TRDN: variants seen among roughly 807,000 people sequenced by gnomAD.
The protein encoded by TRDN is triadin, also known as triadin in skeletal muscle.
TRDN carries 161 observed loss-of-function variants against 149.7 expected under a neutral mutation model. The observed-to-expected ratio is 1.08, with a 90% CI of 0.95 to 1.23. The LOEUF (loss-of-function observed/expected upper bound fraction) is 1.23, where lower values mean the gene tolerates loss of function less well. TRDN is among the 50% of genes most tolerant of loss of function. TRDN has a pLI of 0.00. For missense variants in TRDN, 896 were observed against 823.5 expected (o/e 1.09, Z -1.08); for synonymous variants, 294 against 250.5 (o/e 1.17, Z -1.64).
chr6:123,439,763 C>T (rs1774771170), intron 10 of TRDN: 1 of 152,196 alleles, frequency 6.6e-6, no homozygotes, highest in Non-Finnish European at 1.5e-5. Flanking sequence ...GTGGACATCC[C>T]TGGACACTTT....
chr6:123,275,743 A>G (rs1777347376), intron 26 of TRDN, among the ~76,000 whole-genome samples: 3 of 152,158 alleles, frequency 2.0e-5, no homozygotes, highest in African/African-American at 7.2e-5. Context: ...TGGCAGAAAT[A>G]TTGACATTAA....
chr6:123,295,577 G>A (rs1420019181), intron 24 of TRDN, among the ~76,000 whole-genome samples: 1 of 152,054 alleles, frequency 6.6e-6, no homozygotes, highest in African/African-American at 2.4e-5. Flanking sequence ...TGAAAAATTG[G>A]TGAGGTGATA....
intron 12 of TRDN, among the ~76,000 whole-genome samples, chr6:123,410,234 AC>A (rs1773377785): frequency 1.3e-5 from 2 of 152,330 alleles, no homozygotes; most frequent in East Asian, 1.9e-4. Flanking sequence ...GATGACCTGA[AC>A]TAAGACAAAG....
chr6:123,339,820 C>A (rs1214735319), intron 21 of TRDN, among the ~76,000 whole-genome samples: 1 of 152,138 alleles, frequency 6.6e-6, no homozygotes, highest in African/African-American at 2.4e-5. Context: ...AATCCAATCT[C>A]ATATAATTTG....
chr6:123,451,306 T>C (rs1258485372), intron 10 of TRDN, among the ~76,000 whole-genome samples: 1 of 151,106 alleles, frequency 6.6e-6, no homozygotes, highest in African/African-American at 2.4e-5. Flanking sequence ...ATAAATGAAA[T>C]AAAAAGCTGG....
chr6:123,509,016 G>A (rs527793632), intron 7 of TRDN, among the ~76,000 whole-genome samples: 1 of 151,920 alleles, frequency 6.6e-6, no homozygotes, highest in South Asian at 2.1e-4. Flanking sequence ...AGCATATACT[G>A]TATACAAACA....
Position 123,228,644 on chromosome 6 carries a change from A to G in TRDN, c.1976-4513T>C, listed in dbSNP as rs537474871. ...GGTCCCTCCCACAACATGTGGGGAT[A>G]TGGAAATATAGTTCAAGATGAGATT... is the stretch of plus-strand genomic sequence containing the variant. On this transcript the variant is annotated intron_variant, in intron 38 of 40. Coordinates refer to ENST00000334268, the MANE Select transcript of TRDN (RefSeq NM_006073.4). Among the ~76,000 whole-genome samples the G allele has an allele frequency of 1.1e-3, 171 of 152,038 alleles. 2 individuals are homozygous for G. The highest frequency in any genetic ancestry group is 2.1e-3 in the Non-Finnish European group (140 of 67,916).
At chr6:123,478,077 T>C (rs1358050131) in intron 9 of TRDN, among the ~76,000 whole-genome samples, 1 of 132,132 alleles carries the variant, frequency 7.6e-6, no homozygotes, top group Non-Finnish European at 1.7e-5. Context: ...AAAAGAAAAA[T>C]GTTCACCAAA....
intron 12 of TRDN, among the ~76,000 whole-genome samples, chr6:123,425,755 G>A (rs1583004354): frequency 2.0e-5 from 3 of 152,052 alleles, no homozygotes; most frequent in African/African-American, 4.8e-5. Flanking sequence ...ATGAGAGACC[G>A]GAAGGAGAAT....
At chr6:123,583,634 G>A (rs1783252972) in intron 1 of TRDN, among the ~76,000 whole-genome samples, 1 of 152,084 alleles carries the variant, frequency 6.6e-6, no homozygotes, top group East Asian at 1.9e-4. Flanking sequence ...TTATCAGACT[G>A]TATTGAGGTA....
At chr6:123,564,690 G>T (rs994085494) in intron 2 of TRDN, among the ~76,000 whole-genome samples, 1 of 152,094 alleles carries the variant, frequency 6.6e-6, no homozygotes, top group Admixed American at 6.5e-5. Context: ...GTCTTTGCTG[G>T]CTCTCTTCTC....
chr6:123,420,851 T>A (rs966430930), intron 12 of TRDN, among the ~76,000 whole-genome samples: 5 of 152,256 alleles, frequency 3.3e-5, no homozygotes, highest in Admixed American at 1.3e-4. Flanking sequence ...ATGGAAAAAA[T>A]TTTTAATTGT....
At chr6:123,221,589 G>T in intron 39 of TRDN, 67 bp from the exon 40 acceptor site, 2 of 1,047,538 alleles carry the variant, frequency 1.9e-6, no homozygotes, top group Non-Finnish European at 2.8e-6. Context: ...ATATATATGG[G>T]ACTGAGAATG....
chr6:123,569,942 C>T (rs561612683), intron 2 of TRDN, among the ~76,000 whole-genome samples: 1 of 152,202 alleles, frequency 6.6e-6, no homozygotes, highest in South Asian at 2.1e-4. Flanking sequence ...TAAACCCAAA[C>T]AACAGAGTTC....
chr6:123,322,499 T>C (rs1779277584), intron 23 of TRDN, among the ~76,000 whole-genome samples: 1 of 152,000 alleles, frequency 6.6e-6, no homozygotes, highest in Non-Finnish European at 1.5e-5. Context: ...AGTATTCAAG[T>C]ACTAATATTG....
At chr6:123,579,665 G>T (rs1265933844) in intron 1 of TRDN, among the ~76,000 whole-genome samples, 2 of 152,142 alleles carry the variant, frequency 1.3e-5, no homozygotes, top group African/African-American at 4.8e-5. Context: ...CATATAATGA[G>T]TTGGAGAGGA....
intron 1 of TRDN, among the ~76,000 whole-genome samples, chr6:123,598,619 C>A (rs750928194): frequency 1.3e-5 from 2 of 152,048 alleles, no homozygotes; most frequent in Non-Finnish European, 2.9e-5. Context: ...ACTCCCTTTG[C>A]AGGACTCAAG....
At position 123,366,151 on chromosome 6, in the gene TRDN, C is replaced by T. The variant is rs1170118704; in HGVS notation, c.1305G>A (p.Ala435=). The T allele has an allele frequency of 1.2e-5, 19 of 1,612,432 alleles. No homozygotes were observed. The highest frequency in any genetic ancestry group is 3.3e-5 in the South Asian group (3 of 90,976). Residue 435 remains alanine, a synonymous_variant, in exon 20 of 41, where the codon GCG becomes GCA. Transcript: ENST00000334268. ...TGCATTTACCTTTTTTAATTGAAAC[C>T]GCACCAATCTCCTCTTTGGCTCGTT... ...KTERAKEEIG[A]VSIKKAVPGK...
At chr6:123,474,780 A>G (rs1197924051) in intron 9 of TRDN, among the ~76,000 whole-genome samples, 1 of 151,992 alleles carries the variant, frequency 6.6e-6, no homozygotes, top group African/African-American at 2.4e-5. Flanking sequence ...CTCACTCAAA[A>G]CCGCTCAACT....
Sources: allele counts gnomAD v4.1 joint callset (sites outside exome capture counted in the v4.1 genomes callset), GRCh38; gene constraint gnomAD v4.1.1; transcripts MANE v1.5; gene names NCBI Gene and HGNC (gene_info 2026-07-23, HGNC 2026-07-21).